ELFN2: variants seen among roughly 807,000 people sequenced by gnomAD.
The protein encoded by ELFN2 is protein phosphatase 1 regulatory subunit 29.
Under a neutral mutation model 45.5 loss-of-function variants are expected in ELFN2, and 17 were observed. The ratio of observed to expected loss-of-function variants is 0.37; its 90% CI spans 0.26 to 0.56. ELFN2 has a LOEUF of 0.56. Ranked by LOEUF, ELFN2 falls within the 20% of genes least tolerant of loss-of-function variation. The pLI is 0.77. For missense variants in ELFN2, 922 were observed against 1,183.2 expected (o/e 0.78, Z 3.24); for synonymous variants, 550 against 551.5 (o/e 1.00, Z 0.04).
At chr22:37,343,555 C>T (rs547943863) in intron 1 of ELFN2, among the ~76,000 whole-genome samples, 240 of 152,220 alleles carry the variant, frequency 1.6e-3, no homozygotes, top group Non-Finnish European at 2.7e-3. Flanking sequence ...TGGCCAGCTT[C>T]CCTCATTGCT....
At chr22:37,346,168 C>T (rs889105761) in intron 1 of ELFN2, among the ~76,000 whole-genome samples, 11 of 152,224 alleles carry the variant, frequency 7.2e-5, no homozygotes, top group African/African-American at 1.9e-4. Context: ...CAAAACTTGG[C>T]GGCCACATCA....
At chr22:37,408,709 A>G (rs1932571740) in intron 2 of ELFN2, among the ~76,000 whole-genome samples, 1 of 152,218 alleles carries the variant, frequency 6.6e-6, no homozygotes, top group Non-Finnish European at 1.5e-5. Flanking sequence ...AGTCAGGTTC[A>G]GATGGCCAGT....
chr22:37,406,507 C>A (rs1932503466), intron 2 of ELFN2, among the ~76,000 whole-genome samples: 1 of 152,052 alleles, frequency 6.6e-6, no homozygotes, highest in South Asian at 2.1e-4. Context: ...ATCCATGCCA[C>A]CCCCCACTCC....
intron 2 of ELFN2, chr22:37,385,400 G>A (rs1931922023): frequency 6.6e-6 from 1 of 152,238 alleles, no homozygotes; most frequent in Non-Finnish European, 1.5e-5. Flanking sequence ...TCATCTGGAT[G>A]GTGGTTTTCA....
intron 2 of ELFN2, among the ~76,000 whole-genome samples, chr22:37,388,039 G>A (rs1931997130): frequency 6.6e-6 from 1 of 150,890 alleles, no homozygotes; most frequent in Admixed American, 6.6e-5. Flanking sequence ...GTCCCGCCTT[G>A]GTGCCGCCGC....
At chr22:37,344,032 CG>C (rs1930629444) in intron 1 of ELFN2, among the ~76,000 whole-genome samples, 1 of 138,414 alleles carries the variant, frequency 7.2e-6, no homozygotes, top group Non-Finnish European at 1.6e-5. Context: ...CGCCTGCCCA[CG>C]CCCACCTGCC....
rs898086500 is a variant in ELFN2, at chr22:37,362,491, C to G, written n.149-19788G>C. ...ACAAGACACGAGATGCAGGGGTTGA[C>G]AGGGCCGGCACAGGCCCCAGGATTA... On this transcript the variant is annotated intron_variant and non_coding_transcript_variant, in intron 1 of 2. Transcript: ENST00000452946. Among the ~76,000 whole-genome samples the G allele has an allele frequency of 7.7e-4, 117 of 152,330 alleles. 2 individuals are homozygous for G. Among genetic ancestry groups the G allele is most frequent in the Non-Finnish European group, 1.8e-4 (12 of 68,036 alleles).
At chr22:37,347,680 A>G (rs1197453319) in intron 1 of ELFN2, among the ~76,000 whole-genome samples, 1 of 140,368 alleles carries the variant, frequency 7.1e-6, no homozygotes, top group Non-Finnish European at 1.6e-5. Context: ...ACACACACAC[A>G]CACAATCAGT....
At position 37,379,691 on chromosome 22, in the gene ELFN2, C is replaced by G. The variant is rs566728179; in HGVS notation, c.-462-3695G>C. Reference sequence around the variant, plus strand: ...GGGCAGAGAGGAGAGTCAGTGAGACCTCACAGCACTTGCTGCTCTGAGGGC... The same window carrying G: ...GGGCAGAGAGGAGAGTCAGTGAGACGTCACAGCACTTGCTGCTCTGAGGGC... On this transcript the variant is annotated intron_variant, in intron 2 of 2. Coordinates refer to ENST00000402918, the MANE Select transcript of ELFN2 (RefSeq NM_052906.5). Among the ~76,000 whole-genome samples the G allele has an allele frequency of 9.2e-5, 14 of 152,316 alleles. 1 individual carries two copies. In the East Asian group the frequency reaches 1.9e-3, roughly 21 times the overall value.
In ELFN2 at chr22:37,375,263, A is replaced by T; in HGVS notation, c.272T>A (p.Ile91Asn). 2 of 1,613,872 alleles carry T rather than the reference A, an allele frequency of 1.2e-6. No individual in the cohort carries two copies. The highest frequency in any genetic ancestry group is 1.7e-6 in the Non-Finnish European group (2 of 1,179,956). The change falls in exon 3 of 3, where the codon ATC becomes AAC. Residue 91 changes from isoleucine (I) to asparagine (N), a missense_variant. Ile to Asn is a moderately radical substitution (Grantham distance 149). Coordinates refer to ENST00000402918, the MANE Select transcript of ELFN2 (RefSeq NM_052906.5). ...GAAGGCACCGTCCTCGATGTAGGAGATCTCGTTCTTGGTGAGGTTGAGGTC... is the reference window on the plus strand; with the variant it reads ...GAAGGCACCGTCCTCGATGTAGGAGTTCTCGTTCTTGGTGAGGTTGAGGTC... ...LTDLNLTKNE[I>N]SYIEDGAFLG...
At chr22:37,402,428 C>T (rs1051563834) in intron 2 of ELFN2, among the ~76,000 whole-genome samples, 13 of 152,322 alleles carry the variant, frequency 8.5e-5, no homozygotes, top group South Asian at 2.1e-4. Flanking sequence ...ACCAGACGTG[C>T]GCCTTGCAGT....
At chr22:37,341,235 G>A (rs117214702) in intron 2 of ELFN2, among the ~76,000 whole-genome samples, 2,006 of 152,206 alleles carry the variant, frequency 0.013, 30 homozygotes, top group South Asian at 0.031. Flanking sequence ...TCTGAGGCTC[G>A]CATGGCAGGG....
intron 2 of ELFN2, among the ~76,000 whole-genome samples, chr22:37,408,775 C>T (rs920237175): frequency 1.3e-5 from 2 of 152,196 alleles, no homozygotes; most frequent in African/African-American, 4.8e-5. Flanking sequence ...GGATCTTTAA[C>T]CTCTCTGTTC....
At chr22:37,377,478 G>C (rs1160359063) in intron 2 of ELFN2, among the ~76,000 whole-genome samples, 3 of 152,216 alleles carry the variant, frequency 2.0e-5, no homozygotes, top group African/African-American at 7.2e-5. Flanking sequence ...GGAAAGAGAA[G>C]AGTGCTTAAA....
In ELFN2 at chr22:37,374,628, G is replaced by T; in HGVS notation, c.907C>A (p.His303Asn). The T allele has an allele frequency of 1.2e-6, 2 of 1,614,134 alleles. No individual in the cohort carries two copies. Among genetic ancestry groups the T allele is most frequent in the Non-Finnish European group, 1.7e-6 (2 of 1,179,956 alleles). ...ASAGPAIKLH[H>N]VTFTSATLVV... ...AGGGTGGCCGAGGTGAACGTGACGTGGTGCAGCTTGATGGCTGGCCCTGCC... is the reference window on the plus strand; with the variant it reads ...AGGGTGGCCGAGGTGAACGTGACGTTGTGCAGCTTGATGGCTGGCCCTGCC... Residue 303 changes from histidine (H) to asparagine (N), a missense_variant, in exon 3 of 3, where the codon CAC (histidine) becomes AAC (asparagine). This residue lies in a region of ELFN2 where 358 missense variants were observed against 540.4 expected (regional missense o/e 0.66). Transcript: ENST00000402918.
intron 2 of ELFN2, among the ~76,000 whole-genome samples, chr22:37,390,330 C>G (rs569872871): frequency 5.3e-5 from 8 of 152,220 alleles, no homozygotes; most frequent in Non-Finnish European, 8.8e-5. Context: ...TTGCCCAAGG[C>G]CACACAGCCC....
chr22:37,394,494 C>T (rs752040091), intron 2 of ELFN2, among the ~76,000 whole-genome samples: 4 of 152,226 alleles, frequency 2.6e-5, no homozygotes, highest in Non-Finnish European at 5.9e-5. Context: ...GCCCTCCTCC[C>T]GGGCAGCCTC....
At chr22:37,406,071 G>A (rs541333565) in intron 2 of ELFN2, among the ~76,000 whole-genome samples, 2 of 152,298 alleles carry the variant, frequency 1.3e-5, no homozygotes, top group African/African-American at 4.8e-5. Flanking sequence ...GAGCCTAGGA[G>A]GTTGAGGCTG....
chr22:37,380,536 C>T (rs937228743), intron 2 of ELFN2, among the ~76,000 whole-genome samples: 3 of 152,172 alleles, frequency 2.0e-5, no homozygotes, highest in African/African-American at 7.2e-5. Flanking sequence ...CAGTCTGTGT[C>T]CTGGCCTCCC....
Sources: allele counts gnomAD v4.1 joint callset (sites outside exome capture counted in the v4.1 genomes callset), GRCh38; gene constraint gnomAD v4.1.1; regional missense constraint gnomAD v4.1.1; transcripts MANE v1.5; gene names NCBI Gene and HGNC (gene_info 2026-07-23, HGNC 2026-07-21).